PABPC4L: variants seen among roughly 807,000 people sequenced by gnomAD.
The protein encoded by PABPC4L is polyadenylate-binding protein 4-like.
For synonymous variants in PABPC4L, 169 were observed against 164.1 expected (o/e 1.03, Z -0.23); for missense variants, 452 against 451.4 (o/e 1.00, Z -0.01).
the PABPC4L span, among the ~76,000 whole-genome samples, chr4:134,020,689 A>T: frequency 1.3e-5 from 2 of 152,072 alleles, no homozygotes. Flanking sequence ...GTATGTTCAT[A>T]CAAGTTGGTG....
At chr4:134,104,723 C>T in the PABPC4L span, among the ~76,000 whole-genome samples, 1 of 151,594 alleles carries the variant, frequency 6.6e-6, no homozygotes, top group Non-Finnish European at 1.5e-5. Flanking sequence ...TTCTTTAGTT[C>T]CTTCAACCAT....
chr4:134,035,412 G>A, the PABPC4L span, among the ~76,000 whole-genome samples: 1 of 148,278 alleles, frequency 6.7e-6, no homozygotes, highest in African/African-American at 2.5e-5. Flanking sequence ...CATTTATTTT[G>A]GACTGATGCT....
chr4:134,174,059 A>C, the PABPC4L span, among the ~76,000 whole-genome samples: 5 of 151,962 alleles, frequency 3.3e-5, no homozygotes, highest in African/African-American at 9.7e-5. Context: ...CTTTCTTTTT[A>C]AAAACATTTT....
At position 134,199,085 on chromosome 4, in the gene PABPC4L, A is replaced by G. The variant is rs112656129; in HGVS notation, c.*822T>C. The G allele has an allele frequency of 6.6e-6, 1 of 152,082 alleles. No individual in the cohort carries two copies. Among genetic ancestry groups the G allele is most frequent in the Admixed American group, 6.5e-5 (1 of 15,276 alleles). 9.4% of individuals were successfully genotyped at this position (152,082 alleles called of 1,614,324 possible). ...TATTAGCATCTGGTAAAAATTTAAG[A>G]TAATATATTAAGCCATATAGGTATG... On this transcript the variant is annotated 3_prime_UTR_variant, in exon 2 of 2. Transcript: ENST00000421491.
At chr4:134,007,684 A>T in the PABPC4L span, among the ~76,000 whole-genome samples, 9 of 151,626 alleles carry the variant, frequency 5.9e-5, no homozygotes, top group East Asian at 1.2e-3. Context: ...TACACCCAAA[A>T]CTATAGATCT....
At chr4:134,059,343 G>T in the PABPC4L span, among the ~76,000 whole-genome samples, 3 of 146,502 alleles carry the variant, frequency 2.0e-5, no homozygotes, top group East Asian at 6.0e-4. Flanking sequence ...GAAAAAAAAA[G>T]AAAAATTAAT....
chr4:134,200,051 C>T lies in PABPC4L; in HGVS notation c.969G>A (p.Lys323=), dbSNP rs1015259235. The change falls in exon 2 of 2, where the codon AAG becomes AAA. Residue 323 remains lysine, a synonymous_variant. Coordinates refer to ENST00000421491, the MANE Select transcript of PABPC4L (RefSeq NM_001114734.2). ...FSSFGSISRV[K]VMQEEGQSKG... ...TGCTCTGCCCCTCTTCCTGCATTAC[C>T]TTAACTCTGCTAATTGATCCAAATG... 6.4e-7 allele frequency: 1 copy of T among 1,551,686 alleles called. No individual in the cohort carries two copies. Among genetic ancestry groups the T allele is most frequent in the South Asian group, 1.2e-5 (1 of 84,062 alleles).
the PABPC4L span, among the ~76,000 whole-genome samples, chr4:133,987,390 G>A: frequency 6.6e-6 from 1 of 152,000 alleles, no homozygotes; most frequent in Non-Finnish European, 1.5e-5. Context: ...TAATTTCTGG[G>A]AACAATTATT....
chr4:134,036,264 A>T, the PABPC4L span, among the ~76,000 whole-genome samples: 1 of 152,070 alleles, frequency 6.6e-6, no homozygotes, highest in African/African-American at 2.4e-5. Context: ...TACTGAATAA[A>T]CCTTTACCTT....
chr4:134,152,473 CTACAGTGGT>C, the PABPC4L span, among the ~76,000 whole-genome samples: 72 of 152,272 alleles, frequency 4.7e-4, no homozygotes, highest in African/African-American at 1.7e-3. Context: ...TGAGTACTGT[CTACAGTGGT>C]TCTGCCTCTG....
At chr4:133,956,656 T>C in the PABPC4L span, among the ~76,000 whole-genome samples, 1 of 152,178 alleles carries the variant, frequency 6.6e-6, no homozygotes, top group African/African-American at 2.4e-5. Context: ...TATTAGTCCA[T>C]TCTCATGCTG....
chr4:134,154,771 T>A, the PABPC4L span, among the ~76,000 whole-genome samples: 57 of 151,896 alleles, frequency 3.8e-4, no homozygotes, highest in East Asian at 0.01. Flanking sequence ...TTTTAATTTT[T>A]AAAATTTTTT....
the PABPC4L span, among the ~76,000 whole-genome samples, chr4:134,090,155 T>C: frequency 6.6e-6 from 1 of 152,102 alleles, no homozygotes; most frequent in Non-Finnish European, 1.5e-5. Flanking sequence ...ATGACTCCCA[T>C]AAGTCTCCTG....
chr4:134,013,777 A>G, the PABPC4L span, among the ~76,000 whole-genome samples: 4 of 151,974 alleles, frequency 2.6e-5, no homozygotes, highest in East Asian at 7.9e-4. Flanking sequence ...AAGTGTCACT[A>G]AGTCTTTCTA....
At chr4:133,950,677 A>G in the PABPC4L span, among the ~76,000 whole-genome samples, 1 of 152,172 alleles carries the variant, frequency 6.6e-6, no homozygotes, top group Non-Finnish European at 1.5e-5. Context: ...ATTGGGGCTT[A>G]ATACTACCTT....
Position 134,200,883 on chromosome 4 carries a change from A to T in PABPC4L, c.137T>A (p.Val46Asp). 1 of 1,557,792 alleles carries T rather than the reference A, an allele frequency of 6.4e-7. No homozygotes were observed. Among genetic ancestry groups the T allele is most frequent in the Non-Finnish European group, 8.7e-7 (1 of 1,150,556 alleles). The change falls in exon 2 of 2, where the codon GTC (valine) becomes GAC (aspartate). Residue 46 changes from valine (V) to aspartate (D), a missense_variant. By Grantham distance (152) the Val-to-Asp change is radical. Coordinates refer to ENST00000421491, the MANE Select transcript of PABPC4L (RefSeq NM_001114734.2). ...GGCATAGCCCAGAGAGCGGCGGGTG[A>T]CCTGGTCCCTGCAAATGCGGATGGA... ...VLSIRICRDQ[V>D]TRRSLGYAYV...
the PABPC4L span, among the ~76,000 whole-genome samples, chr4:133,963,541 T>C: frequency 3.3e-5 from 5 of 151,914 alleles, no homozygotes; most frequent in African/African-American, 1.2e-4. Flanking sequence ...AGAATAAACA[T>C]GCTATTCAAC....
the PABPC4L span, among the ~76,000 whole-genome samples, chr4:134,184,912 T>C: frequency 0.46 from 69,279 of 151,314 alleles, 18,459 homozygotes; most frequent in East Asian, 0.98. Flanking sequence ...TACTGCACTG[T>C]TATTTTTATT....
chr4:134,175,654 G>T, the PABPC4L span, among the ~76,000 whole-genome samples: 1 of 151,974 alleles, frequency 6.6e-6, no homozygotes, highest in Non-Finnish European at 1.5e-5. Flanking sequence ...TTGCCATGTT[G>T]CCCAGGCTTC....
Sources: allele counts gnomAD v4.1 joint callset (sites outside exome capture counted in the v4.1 genomes callset), GRCh38; gene constraint gnomAD v4.1.1; transcripts MANE v1.5; gene names NCBI Gene and HGNC (gene_info 2026-07-23, HGNC 2026-07-21).